B4GALNT2: variants seen among roughly 807,000 people sequenced by gnomAD.
The protein encoded by B4GALNT2 is beta-1,4-N-acetyl-galactosaminyltransferase 2 (SID blood group).
Under a neutral mutation model 51.1 loss-of-function variants are expected in B4GALNT2, and 42 were observed. The ratio of observed to expected loss-of-function variants is 0.82; its 90% CI spans 0.64 to 1.06. The LOEUF (loss-of-function observed/expected upper bound fraction) is 1.06, where lower values mean the gene tolerates loss of function less well. Ranked by LOEUF, B4GALNT2 falls within the 50% of genes least tolerant of loss-of-function variation. The pLI is 0.00. For synonymous variants in B4GALNT2, 253 were observed against 251.7 expected, an observed-to-expected ratio of 1.01 and a Z score of -0.05; for missense variants, 602 against 633.6, an observed-to-expected ratio of 0.95 and a Z score of 0.54.
Position 49,174,909 on chromosome 17 carries a change from A to G in B4GALNT2, c.*5181A>G, listed in dbSNP as rs1311751442. On this transcript the variant is annotated 3_prime_UTR_variant, in exon 11 of 11. Transcript: ENST00000393354. ...AGGGACATACCCCATTTCATGCACC[A>G]TACGTTGACTTTGAGGGCTATACAA... 6.6e-6 allele frequency: 1 copy of G among 152,164 alleles called. No homozygotes were observed. Among genetic ancestry groups the G allele is most frequent in the African/African-American group, 2.4e-5 (1 of 41,446 alleles). The allele number at this position is 152,164 out of a possible 1,614,324, so 9.4% of individuals were successfully genotyped here. A position where few individuals can be genotyped will look rare whatever the true frequency, so the allele number is the denominator to read the frequency against.
In B4GALNT2 at chr17:49,141,237, G is replaced by C. The variant is rs1567855986; in HGVS notation, c.15-10G>C. 3 of 1,610,930 alleles carry C rather than the reference G, an allele frequency of 1.9e-6. No homozygotes were observed. Among genetic ancestry groups the C allele is most frequent in the Non-Finnish European group, 2.5e-6 (3 of 1,177,202 alleles). ...ATTTTAACATAATCTGTTCTTTTGT[G>C]TCCCAACAGCTCGAGATTTCTGTGG... On this transcript the variant is annotated splice_polypyrimidine_tract_variant and intron_variant, in intron 1 of 10. Coordinates refer to ENST00000393354, the MANE Select transcript of B4GALNT2 (RefSeq NM_001159387.2).
chr17:49,164,633 G>A (rs112327096), intron 8 of B4GALNT2, among the ~76,000 whole-genome samples: 3,327 of 151,026 alleles, frequency 0.022, 135 homozygotes, highest in African/African-American at 0.077. Context: ...TCCTGAGTAG[G>A]TGGGATTACC....
intron 3 of B4GALNT2, among the ~76,000 whole-genome samples, chr17:49,143,831 C>G (rs2042667762): frequency 7.4e-6 from 1 of 134,984 alleles, no homozygotes; most frequent in East Asian, 2.4e-4. Flanking sequence ...CAGCTGAGGT[C>G]TCTCTTCCTC....
At chr17:49,143,233 A>G (rs1203003229) in intron 3 of B4GALNT2, among the ~76,000 whole-genome samples, 3 of 152,280 alleles carry the variant, frequency 2.0e-5, no homozygotes, top group East Asian at 3.9e-4. Context: ...TGAGCAACAG[A>G]GCAAGACTCC....
chr17:49,145,146 G>A (rs976346953), intron 3 of B4GALNT2, among the ~76,000 whole-genome samples: 1 of 152,014 alleles, frequency 6.6e-6, no homozygotes, highest in Non-Finnish European at 1.5e-5. Flanking sequence ...CAATCCAATC[G>A]AATTGACATT....
At position 49,159,032 on chromosome 17, in the gene B4GALNT2, C is replaced by A. The variant is rs951441256; in HGVS notation, c.499-5C>A. ...TTGAGCATCATTCTACCTCACCCAC[C>A]CTAGGTCACCCTGACAGCTTCTCTG... On this transcript the variant is annotated splice_region_variant and splice_polypyrimidine_tract_variant and intron_variant, in intron 5 of 10. Coordinates refer to ENST00000393354, the MANE Select transcript of B4GALNT2 (RefSeq NM_001159387.2). The A allele has an allele frequency of 6.2e-7, 1 of 1,613,590 alleles. No individual in the cohort carries two copies. The highest frequency in any genetic ancestry group is 8.5e-7 in the Non-Finnish European group (1 of 1,179,746).
chr17:49,148,414 T>C, intron 3 of B4GALNT2: 1 of 306,354 alleles, frequency 3.3e-6, no homozygotes, highest in Non-Finnish European at 6.4e-6. Flanking sequence ...AGCCTCAGCC[T>C]CGGCATTCTT....
At chr17:49,143,368 T>A (rs2042664054) in intron 3 of B4GALNT2, among the ~76,000 whole-genome samples, 2 of 152,096 alleles carry the variant, frequency 1.3e-5, no homozygotes, top group South Asian at 2.1e-4. Context: ...AGGGAACTTG[T>A]TAGAAGGATG....
upstream of B4GALNT2, among the ~76,000 whole-genome samples, chr17:49,127,755 T>C (rs1198924583): frequency 1.3e-5 from 2 of 152,086 alleles, no homozygotes; most frequent in Non-Finnish European, 2.9e-5. Flanking sequence ...CAAAGACAGA[T>C]TTTGAGAAGC....
rs551575363 is a variant in B4GALNT2 at position 49,174,320 on chromosome 17, A to G, written c.*4592A>G. 69 of 152,330 alleles carry G rather than the reference A, an allele frequency of 4.5e-4. No individual in the cohort carries two copies. Among genetic ancestry groups the G allele is most frequent in the African/African-American group, 1.6e-3 (67 of 41,578 alleles). 9.4% of individuals were successfully genotyped at this position (152,330 alleles called of 1,614,324 possible). ...TGTTTGCCCTACATAAGTCTGGCAA[A>G]TTGTTGGACTGTTTAACATGCCTTG... On this transcript the variant is annotated 3_prime_UTR_variant, in exon 11 of 11. Coordinates refer to ENST00000393354, the MANE Select transcript of B4GALNT2 (RefSeq NM_001159387.2).
intron 3 of B4GALNT2, among the ~76,000 whole-genome samples, chr17:49,143,981 C>T (rs1350927876): frequency 1.3e-5 from 2 of 152,126 alleles, no homozygotes; most frequent in African/African-American, 2.4e-5. Flanking sequence ...AACTCCATCT[C>T]TACTAAAAAT....
intron 5 of B4GALNT2, among the ~76,000 whole-genome samples, chr17:49,157,562 T>G (rs550470445): frequency 5.2e-4 from 79 of 152,250 alleles, no homozygotes; most frequent in African/African-American, 1.8e-3. Flanking sequence ...CCTTAAGTGA[T>G]CCATCTTGAC....
chr17:49,135,302 G>C (rs993017008), intron 1 of B4GALNT2, among the ~76,000 whole-genome samples: 4 of 151,458 alleles, frequency 2.6e-5, no homozygotes, highest in African/African-American at 7.3e-5. Context: ...AATAACTGTG[G>C]CCTTATCATA....
At chr17:49,121,920 A>G in the B4GALNT2 span, among the ~76,000 whole-genome samples, 1 of 152,254 alleles carries the variant, frequency 6.6e-6, no homozygotes, top group Non-Finnish European at 1.5e-5. Context: ...AGTTAAAGTC[A>G]GGTTTATTTT....
At chr17:49,155,167 G>A (rs2042796528) in intron 4 of B4GALNT2, among the ~76,000 whole-genome samples, 1 of 150,786 alleles carries the variant, frequency 6.6e-6, no homozygotes. Context: ...AAATTAGCCA[G>A]GCATGGTGGT....
chr17:49,133,347 G>C, intron 1 of B4GALNT2: 1 of 1,104,936 alleles, frequency 9.1e-7, no homozygotes, highest in Non-Finnish European at 1.2e-6. Context: ...CCCACCGCAG[G>C]GCAGAGTGAG....
chr17:49,155,762 C>T (rs558407607), intron 4 of B4GALNT2, among the ~76,000 whole-genome samples: 4 of 151,488 alleles, frequency 2.6e-5, no homozygotes, highest in South Asian at 2.1e-4. Context: ...CTTGCTCTGT[C>T]GCCCAGGCTG....
intron 4 of B4GALNT2, among the ~76,000 whole-genome samples, chr17:49,154,271 G>A (rs2042787012): frequency 1.3e-5 from 2 of 152,112 alleles, no homozygotes; most frequent in Non-Finnish European, 2.9e-5. Flanking sequence ...AAAGTGCTAG[G>A]ATTACAGGCA....
chr17:49,169,272 G>GT (rs2042939671), intron 10 of B4GALNT2, among the ~76,000 whole-genome samples: 3 of 152,038 alleles, frequency 2.0e-5, no homozygotes, highest in Admixed American at 2.0e-4. Context: ...GTTCTGTCCA[G>GT]TTTGAAAGCC....
Sources: allele counts gnomAD v4.1 joint callset (sites outside exome capture counted in the v4.1 genomes callset), GRCh38; gene constraint gnomAD v4.1.1; transcripts MANE v1.5; gene names NCBI Gene and HGNC (gene_info 2026-07-23, HGNC 2026-07-21).